The following EXPH5 variants were observed in gnomAD, a reference collection of about 807,000 sequenced individuals.
The protein encoded by EXPH5 is exophilin-5.
A neutral mutation model predicts 41.1 loss-of-function variants in EXPH5; 42 were observed. The observed-to-expected ratio is 1.02, with a 90% CI of 0.80 to 1.32. EXPH5 has a LOEUF of 1.32. Among genes scored for constraint, EXPH5 ranks in the 40% most tolerant of loss-of-function variants. The pLI is 0.00. For synonymous variants in EXPH5, 798 were observed against 833.5 expected, an observed-to-expected ratio of 0.96 and a Z score of 0.73; for missense variants, 2,298 against 2,314.5, an observed-to-expected ratio of 0.99 and a Z score of 0.15.
chr11:108,600,988 C>A, the EXPH5 span, among the ~76,000 whole-genome samples: 26 of 152,306 alleles, frequency 1.7e-4, no homozygotes, highest in Non-Finnish European at 8.8e-5. Flanking sequence ...AAGAAGCATG[C>A]TAAGTCCTGC....
upstream of EXPH5, among the ~76,000 whole-genome samples, chr11:108,595,355 G>T (rs971161722): frequency 3.9e-5 from 6 of 152,228 alleles, no homozygotes; most frequent in Admixed American, 3.9e-4. Context: ...AGAGGATACG[G>T]TATTTAGGTT....
At chr11:108,528,072 G>T in intron 4 of EXPH5, 64 bp downstream of exon 4, 1 of 1,025,480 alleles carries the variant, frequency 9.8e-7, no homozygotes, top group Non-Finnish European at 1.5e-6. Context: ...GAAATAGGTA[G>T]CCACCCTGGG....
At position 108,554,334 on chromosome 11, in the gene EXPH5, T is replaced by C. The variant is rs140998840; in HGVS notation, c.120-12522A>G. Among the ~76,000 whole-genome samples the C allele has an allele frequency of 7.8e-3, 1,181 of 152,242 alleles. 11 individuals carry two copies. The highest frequency in any genetic ancestry group is 0.027 in the African/African-American group (1,126 of 41,548). On this transcript the variant is annotated intron_variant, in intron 1 of 5. Coordinates refer to ENST00000265843, the MANE Select transcript of EXPH5 (RefSeq NM_015065.3). ...CCTCCCAAAGTGCTGGGATTACAGA[T>C]GTGAGCCACCATGCCCAGCCGCCCT...
chr11:108,511,508 T>C lies in EXPH5; in HGVS notation c.3999A>G (p.Arg1333=), dbSNP rs563337142. The change falls in exon 6 of 6, where the codon CGA becomes CGG. Residue 1333 remains arginine, a synonymous_variant. Transcript: ENST00000265843. ...GAGCTAGGGGCCCCCTATTTGATAA[T>C]CGGAAGGCAGTCATATTTTCAGTGG... ...TLTTENMTAF[R]LSNRGPLAPT... 1.4e-5 allele frequency: 22 copies of C among 1,595,728 alleles called. No homozygotes were observed. In the South Asian group the frequency reaches 2.5e-4, roughly 18 times the overall value.
Position 108,511,481 on chromosome 11 carries a change from A to G in EXPH5, c.4026T>C (p.Pro1342=). 1 of 1,584,806 alleles carries G rather than the reference A, an allele frequency of 6.3e-7. No homozygotes were observed. Among genetic ancestry groups the G allele is most frequent in the Non-Finnish European group, 8.6e-7 (1 of 1,169,408 alleles). Residue 1342 remains proline, a synonymous_variant, in exon 6 of 6, where the codon CCT becomes CCC. Coordinates refer to ENST00000265843, the MANE Select transcript of EXPH5 (RefSeq NM_015065.3). ...CAACAGAAGCCATTTCCTGTAATGT[A>G]GGAGCTAGGGGCCCCCTATTTGATA... is the stretch of plus-strand genomic sequence containing the variant. The part of the protein sequence containing the change: ...FRLSNRGPLA[P]TLQEMASVEA...
Position 108,510,125 on chromosome 11 carries a change from T to C in EXPH5, c.5382A>G (p.Ser1794=). 1 of 1,613,922 alleles carries C rather than the reference T, an allele frequency of 6.2e-7. No individual in the cohort carries two copies. The change falls in exon 6 of 6, where the codon TCA becomes TCG. Residue 1794 remains serine, a synonymous_variant. Transcript: ENST00000265843. ...EWEPEPHLYR[S]KSLKSINVHG... ...GAACATTAATGCTTTTTAAACTCTT[T>C]GAACGATAGAGGTGTGGCTCAGGTT...
chr11:108,510,747 T>C lies in EXPH5; in HGVS notation c.4760A>G (p.Asn1587Ser). 1 of 1,614,194 alleles carries C rather than the reference T, an allele frequency of 6.2e-7. No individual in the cohort carries two copies. The change falls in exon 6 of 6, where the codon AAT (asparagine) becomes AGT (serine). Residue 1587 changes from asparagine (N) to serine (S), a missense_variant. Transcript: ENST00000265843. Reference sequence around the variant, plus strand: ...CAATCTGTGTTTAACTGAAGATCTATTTTCCCCCTTTACTAGGTCATCCAA... The same window carrying C: ...CAATCTGTGTTTAACTGAAGATCTACTTTCCCCCTTTACTAGGTCATCCAA... ...TNLDDLVKGE[N>S]RSSVKHRLAA... is the part of the protein sequence containing the mutation.
At chr11:108,602,973 T>G in the EXPH5 span, among the ~76,000 whole-genome samples, 1 of 152,256 alleles carries the variant, frequency 6.6e-6, no homozygotes, top group East Asian at 1.9e-4. Context: ...CGGGAGCGAT[T>G]CCCTCCATTC....
chr11:108,541,904 G>A (rs2093915089), intron 1 of EXPH5, 92 bp from the exon 2 acceptor site: 4 of 1,033,274 alleles, frequency 3.9e-6, no homozygotes, highest in Non-Finnish European at 5.5e-6. Flanking sequence ...TTGATATGGG[G>A]GTCTCATTCT....
At chr11:108,563,496 G>C (rs896204237) in intron 1 of EXPH5, among the ~76,000 whole-genome samples, 1 of 152,186 alleles carries the variant, frequency 6.6e-6, no homozygotes, top group Non-Finnish European at 1.5e-5. Flanking sequence ...CAGAGCAGGG[G>C]AGAGCACATT....
At position 108,530,098 on chromosome 11, in the gene EXPH5, A is replaced by T. The variant is rs527434904; in HGVS notation, c.444-1914T>A. Among the ~76,000 whole-genome samples, 20 of 152,348 alleles carry T rather than the reference A, an allele frequency of 1.3e-4. No homozygotes were observed. In the South Asian group the frequency reaches 4.1e-3, roughly 32 times the overall value. The stretch of plus-strand genomic sequence containing the variant: ...CCCTTAAGATAACCACATGTATTTT[A>T]TAGTTTAGCTCAGATTTTAGCAGAA... On this transcript the variant is annotated intron_variant, in intron 3 of 5. Transcript: ENST00000265843.
In EXPH5 at chr11:108,593,725, T is replaced by G. The variant is rs544048468; in HGVS notation, c.-189A>C. 9.3e-5 allele frequency: 143 copies of G among 1,538,026 alleles called. No homozygotes were observed. The African/African-American group carries it at 1.7e-3, about 18-fold the overall frequency. On this transcript the variant is annotated 5_prime_UTR_variant, in exon 1 of 6. Coordinates refer to ENST00000265843, the MANE Select transcript of EXPH5 (RefSeq NM_015065.3). ...TGAAGGGCTCATATTGACAATACCT[T>G]AATGACATGTTTCTCTCAACCTGTC...
At chr11:108,550,553 C>T (rs375723145) in intron 1 of EXPH5, among the ~76,000 whole-genome samples, 132 of 152,140 alleles carry the variant, frequency 8.7e-4, no homozygotes, top group African/African-American at 2.7e-3. Flanking sequence ...CCGAGGCAGA[C>T]GGATCATTTG....
chr11:108,527,570 A>G (rs2093808427), intron 4 of EXPH5, among the ~76,000 whole-genome samples: 1 of 152,218 alleles, frequency 6.6e-6, no homozygotes, highest in South Asian at 2.1e-4. Context: ...AGGAAGACAC[A>G]GGAATGTGTA....
chr11:108,588,819 A>T (rs2094120618), intron 1 of EXPH5, among the ~76,000 whole-genome samples: 1 of 152,198 alleles, frequency 6.6e-6, no homozygotes, highest in African/African-American at 2.4e-5. Flanking sequence ...TGGCATTGGG[A>T]TATGGAACGA....
chr11:108,514,869 T>C lies in EXPH5; in HGVS notation c.638A>G (p.Asp213Gly), dbSNP rs572669544. The stretch of plus-strand genomic sequence containing the variant: ...CTGAGCCAATTTGCTATCCAAGTCA[T>C]CTAAAACTGAAAAGAGAATGTGAAT... ...LLENEFFQVL[D>G]DLDSKLAQEQ... Residue 213 changes from aspartate (D) to glycine (G), a missense_variant, in exon 6 of 6, where the codon GAT becomes GGT. Physicochemically the swap from Asp to Gly is moderately conservative, Grantham distance 94. Coordinates refer to ENST00000265843, the MANE Select transcript of EXPH5 (RefSeq NM_015065.3). 3 of 1,439,160 alleles carry C rather than the reference T, an allele frequency of 2.1e-6. No individual in the cohort carries two copies. Among genetic ancestry groups the C allele is most frequent in the South Asian group, 1.8e-5 (1 of 55,538 alleles). 89.1% of individuals were successfully genotyped at this position (1,439,160 alleles called of 1,614,324 possible).
intron 1 of EXPH5, among the ~76,000 whole-genome samples, chr11:108,577,557 G>A (rs2094083982): frequency 6.6e-6 from 1 of 151,884 alleles, no homozygotes; most frequent in Non-Finnish European, 1.5e-5. Context: ...CCGAGTAGCT[G>A]GAATTACAGG....
the EXPH5 span, among the ~76,000 whole-genome samples, chr11:108,604,227 C>CAA: frequency 0.56 from 61,388 of 109,178 alleles, 17,732 homozygotes; most frequent in Non-Finnish European, 0.67. Context: ...CCCATCTCTA[C>CAA]AAAAAAAAAA....
chr11:108,581,749 T>C (rs1470782643), intron 1 of EXPH5, among the ~76,000 whole-genome samples: 2 of 151,992 alleles, frequency 1.3e-5, no homozygotes, highest in Non-Finnish European at 2.9e-5. Context: ...TGATAAACCT[T>C]TAACACGACT....
Sources: gnomAD v4.1 joint callset for allele counts (sites outside exome capture counted in the v4.1 genomes callset) on GRCh38, gnomAD v4.1.1 for gene constraint, MANE v1.5 for transcripts, NCBI Gene and HGNC (gene_info 2026-07-23, HGNC 2026-07-21) for gene names.